The following KRT81 variants were observed in gnomAD, a reference collection of about 807,000 sequenced individuals.
KRT81 encodes keratin, type II cuticular Hb1.
KRT81 carries 35 observed loss-of-function variants against 35.8 expected under a neutral mutation model. That is an observed-to-expected ratio of 0.98 (90% CI 0.75 to 1.30). KRT81 has a LOEUF of 1.30. KRT81 is among the 50% of genes most tolerant of loss of function. The pLI is 0.00. For missense variants in KRT81, 531 were observed against 577.4 expected (o/e 0.92, Z 0.82); for synonymous variants, 249 against 251.2 (o/e 0.99, Z 0.08).
chr12:52,286,959 C>A lies in KRT81; in HGVS notation c.1248-137G>T, dbSNP rs1419697658. The stretch of plus-strand genomic sequence containing the variant: ...GGGAACAGCTTGCCTCAGACAAACT[C>A]ACACACCAGCCCTCCCCACACCGGA... On this transcript the variant is annotated intron_variant, in intron 7 of 8. Transcript: ENST00000327741. The A allele has an allele frequency of 3.2e-6, 5 of 1,545,562 alleles. No individual in the cohort carries two copies. The South Asian group carries it at 5.7e-5, about 18-fold the overall frequency.
rs1439928163 is a variant in KRT81, at chr12:52,291,103, G to C, written c.363C>G (p.Ile121Met). 1.1e-5 allele frequency: 8 copies of C among 721,308 alleles called. No homozygotes were observed. Among genetic ancestry groups the C allele is most frequent in the East Asian group, 5.8e-5 (2 of 34,418 alleles). The allele number at this position is 721,308 out of a possible 1,614,324, so 44.7% of individuals were successfully genotyped here. A position where few individuals can be genotyped will look rare whatever the true frequency, so the allele number is the denominator to read the frequency against. Residue 121 changes from isoleucine (I) to methionine (M), a missense_variant, in exon 1 of 9, where the codon ATC becomes ATG. Around this residue, in one of 5 missense-constraint regions of KRT81, gnomAD observed 194 missense variants for 198.2 expected, o/e 0.98. Coordinates refer to ENST00000327741, the MANE Select transcript of KRT81 (RefSeq NM_002281.4). ...KSLNSRFAAFIDKVRFLEQQN... is the reference protein window; with the variant it reads ...KSLNSRFAAFMDKVRFLEQQN... The stretch of plus-strand genomic sequence containing the variant: ...TGTGATCCAGGACACCCACCTTGTC[G>C]ATGAAGGCCGCGAACCTGCTGTTGA...
At chr12:52,288,818 T>C (rs1320201071) in intron 3 of KRT81, among the ~76,000 whole-genome samples, 1 of 151,976 alleles carries the variant, frequency 6.6e-6, no homozygotes, top group Non-Finnish European at 1.5e-5. Context: ...CTGGTTCTTC[T>C]CCATCCCCCC....
Position 52,287,578 on chromosome 12 carries a change from C to T in KRT81, c.1026+18G>A, listed in dbSNP as rs111635510. On this transcript the variant is annotated intron_variant, in intron 6 of 8. Coordinates refer to ENST00000327741, the MANE Select transcript of KRT81 (RefSeq NM_002281.4). ...TAGGCCCTCGGTCTCTCTGACCTTG[C>T]GCACAGATGCCCCATACCTGGCACT... 105 of 1,613,886 alleles carry T rather than the reference C, an allele frequency of 6.5e-5. No homozygotes were observed. The highest frequency in any genetic ancestry group is 3.6e-4 in the African/African-American group (27 of 74,992).
chr12:52,286,410 C>G lies in KRT81; in HGVS notation c.1363G>C (p.Ala455Pro). The G allele has an allele frequency of 6.4e-7, 1 of 1,554,274 alleles. No individual in the cohort carries two copies. The highest frequency in any genetic ancestry group is 8.7e-7 in the Non-Finnish European group (1 of 1,148,648). The change falls in exon 9 of 9, where the codon GCT becomes CCT. Residue 455 changes from alanine (A) to proline (P), a missense_variant. This residue lies in a region of KRT81 where 150 missense variants were observed against 145.4 expected (regional missense o/e 1.03). Coordinates refer to ENST00000327741, the MANE Select transcript of KRT81 (RefSeq NM_002281.4). ...SRPVTGSVCSAPCNGNVAVST... is the reference protein window; with the variant it reads ...SRPVTGSVCSPPCNGNVAVST... ...ACCGCCACGTTCCCGTTGCACGGAGCGCTGCAGACACTGCCAGTCACTGGC... is the reference window on the plus strand; with the variant it reads ...ACCGCCACGTTCCCGTTGCACGGAGGGCTGCAGACACTGCCAGTCACTGGC...
intron 6 of KRT81, 95 bp from the exon 7 acceptor site, chr12:52,287,417 C>T (rs769217624): frequency 3.5e-5 from 55 of 1,573,328 alleles, no homozygotes; most frequent in African/African-American, 6.8e-5. Context: ...GCTGGGAGCA[C>T]CCCAGAACAG....
Position 52,286,171 on chromosome 12 carries a change from A to G in KRT81, c.*84T>C. The G allele has an allele frequency of 9.2e-7, 1 of 1,089,450 alleles. No individual in the cohort carries two copies. Among genetic ancestry groups the G allele is most frequent in the East Asian group, 2.6e-5 (1 of 38,872 alleles). 67.5% of individuals were successfully genotyped at this position (1,089,450 alleles called of 1,614,324 possible). A position where few individuals can be genotyped will look rare whatever the true frequency, so the allele number is the denominator to read the frequency against. The stretch of plus-strand genomic sequence containing the variant: ...CAAAGTGCAGGAGAAGTAGCTGAGC[A>G]CTTGCTCCAGGCGCCTGGACTGGAT... On this transcript the variant is annotated 3_prime_UTR_variant, in exon 9 of 9. Transcript: ENST00000327741.
At chr12:52,288,605 A>G (rs1235190697) in intron 3 of KRT81, 149 bp from the exon 4 acceptor site, 22 of 995,752 alleles carry the variant, frequency 2.2e-5, no homozygotes, top group South Asian at 6.5e-5. Context: ...CCTTCCTGGG[A>G]TGAGCTGGCA....
chr12:52,286,209 G>A lies in KRT81; in HGVS notation c.*46C>T. 6.7e-7 allele frequency: 1 copy of A among 1,497,262 alleles called. No individual in the cohort carries two copies. Among genetic ancestry groups the A allele is most frequent in the Non-Finnish European group, 9.1e-7 (1 of 1,098,166 alleles). The allele number at this position is 1,497,262 out of a possible 1,614,324, so 92.7% of individuals were successfully genotyped here. ...GCCTGGACTGGATGGGCCAAGCAAG[G>A]CAGGGCAGGAAAGATGCCTGGGGCC... is the stretch of plus-strand genomic sequence containing the variant. On this transcript the variant is annotated 3_prime_UTR_variant, in exon 9 of 9. Transcript: ENST00000327741.
At position 52,291,380 on chromosome 12, in the gene KRT81, G is replaced by A. The variant is rs765794740; in HGVS notation, c.86C>T (p.Ala29Val). 18 of 1,605,592 alleles carry A rather than the reference G, an allele frequency of 1.1e-5. No individual in the cohort carries two copies. Among genetic ancestry groups the A allele is most frequent in the Admixed American group, 8.5e-5 (5 of 58,842 alleles). Residue 29 changes from alanine to valine, a missense_variant, in exon 1 of 9, where the codon GCC becomes GTC. Physicochemically the swap from Ala to Val is moderately conservative, Grantham distance 64. Around this residue, in one of 5 missense-constraint regions of KRT81, gnomAD observed 133 missense variants for 125.9 expected, o/e 1.06. Transcript: ENST00000327741. ...GPRPGRCCIT[A>V]APYRGISCYR... ...GCAGGAGATGCCACGGTAGGGGGCG[G>A]CGGTGATGCAGCAGCGGCCGGGCCG...
At chr12:52,287,870 C>A in intron 5 of KRT81, 114 bp downstream of exon 5, 2 of 1,602,116 alleles carry the variant, frequency 1.2e-6, no homozygotes, top group Non-Finnish European at 1.7e-6. Flanking sequence ...AGATTGGCAG[C>A]CCTCTCTTCT....
intron 1 of KRT81, 39 bp downstream of exon 1, chr12:52,291,058 T>C (rs1592427180): frequency 1.8e-5 from 9 of 512,278 alleles, no homozygotes; most frequent in Non-Finnish European, 2.8e-5. Context: ...GCTGTGTAGG[T>C]GGTGGGGGTT....
rs1937957671 is a variant in KRT81, at chr12:52,286,830, C to A, written c.1248-8G>T. On this transcript the variant is annotated splice_region_variant and splice_polypyrimidine_tract_variant and intron_variant, in intron 7 of 8. Coordinates refer to ENST00000327741, the MANE Select transcript of KRT81 (RefSeq NM_002281.4). ...CCAATGCCTTCACATAGCCTGAGGGCAAAAGAGAAAAAGGCAACATTAGTG... is the reference window on the plus strand; with the variant it reads ...CCAATGCCTTCACATAGCCTGAGGGAAAAAGAGAAAAAGGCAACATTAGTG... 2 of 1,613,682 alleles carry A rather than the reference C, an allele frequency of 1.2e-6. No homozygotes were observed. Among genetic ancestry groups the A allele is most frequent in the African/African-American group, 1.3e-5 (1 of 74,906 alleles).
Position 52,286,130 on chromosome 12 carries a change from A to T in KRT81, c.*125T>A, listed in dbSNP as rs894391102. On this transcript the variant is annotated 3_prime_UTR_variant, in exon 9 of 9. Coordinates refer to ENST00000327741, the MANE Select transcript of KRT81 (RefSeq NM_002281.4). ...TCACACAGAGAAATGTGAGGCCAGG[A>T]GTGGGAGGGGTCTTTCAAAGTGCAG... The T allele has an allele frequency of 6.5e-5, 52 of 801,132 alleles. No individual in the cohort carries two copies. Among genetic ancestry groups the T allele is most frequent in the Non-Finnish European group, 9.9e-5 (47 of 474,046 alleles). The allele number at this position is 801,132 out of a possible 1,614,324, so 49.6% of individuals were successfully genotyped here. A position where few individuals can be genotyped will look rare whatever the true frequency, so the allele number is the denominator to read the frequency against.
chr12:52,287,899 T>A (rs2121239145), intron 5 of KRT81, 85 bp downstream of exon 5: 2 of 1,610,912 alleles, frequency 1.2e-6, no homozygotes, highest in South Asian at 1.1e-5. Context: ...GGGACCAGCA[T>A]CCCCAGAAAA....
At chr12:52,288,622 G>A (rs1301476727) in intron 3 of KRT81, among the ~76,000 whole-genome samples, 166 bp from the exon 4 acceptor site, 1 of 152,030 alleles carries the variant, frequency 6.6e-6, no homozygotes, top group Non-Finnish European at 1.5e-5. Flanking sequence ...GGCATCCTCT[G>A]TCCCTCTGAT....
At position 52,286,080 on chromosome 12, in the gene KRT81, G is replaced by C; in HGVS notation, c.*175C>G. Reference sequence around the variant, plus strand: ...TCTAGGGTGGCCTTTCCCACTGTGGGGTGGCAGAGCCCAGAAGTGGGGGAT... The same window carrying C: ...TCTAGGGTGGCCTTTCCCACTGTGGCGTGGCAGAGCCCAGAAGTGGGGGAT... On this transcript the variant is annotated 3_prime_UTR_variant, in exon 9 of 9. Coordinates refer to ENST00000327741, the MANE Select transcript of KRT81 (RefSeq NM_002281.4). 1 of 653,742 alleles carries C rather than the reference G, an allele frequency of 1.5e-6. No homozygotes were observed. The highest frequency in any genetic ancestry group is 2.7e-6 in the Non-Finnish European group (1 of 373,200). The allele number at this position is 653,742 out of a possible 1,614,324, so 40.5% of individuals were successfully genotyped here. A position where few individuals can be genotyped will look rare whatever the true frequency, so the allele number is the denominator to read the frequency against.
rs147285901 is a variant in KRT81, at chr12:52,288,391, C to T, written c.705G>A (p.Glu235=). Residue 235 remains glutamate (E), a synonymous_variant, in exon 4 of 9, where the codon GAG becomes GAA. Transcript: ENST00000327741. The part of the protein sequence containing the change: ...LEANVEALIQ[E]IDFLRRLYEE... ...CATACAGCCGCCTCAGGAAGTCGAT[C>T]TCCTGGATCAGGGCCTCCACGTTGG... The T allele has an allele frequency of 9.7e-5, 156 of 1,614,060 alleles. No homozygotes were observed. Among genetic ancestry groups the T allele is most frequent in the Non-Finnish European group, 1.3e-4 (152 of 1,180,014 alleles).
chr12:52,286,521 T>C (rs954079925), intron 8 of KRT81, 28 bp from the exon 9 acceptor site: 5 of 1,548,746 alleles, frequency 3.2e-6, no homozygotes, highest in Admixed American at 3.9e-5. Flanking sequence ...TGAGTCAAAA[T>C]TCTGAAGGGC....
At position 52,288,427 on chromosome 12, in the gene KRT81, T is replaced by C. The variant is rs778637855; in HGVS notation, c.669A>G (p.Ser223=). Residue 223 remains serine, a synonymous_variant, in exon 4 of 9, where the codon TCA becomes TCG. Coordinates refer to ENST00000327741, the MANE Select transcript of KRT81 (RefSeq NM_002281.4). The part of the protein sequence containing the change: ...KDVDCAYLRK[S]DLEANVEALI... ...GGGCCTCCACGTTGGCCTCCAGGTCTGACTTGCGGAGGTAGGCGCAGTCCA... is the reference window on the plus strand; with the variant it reads ...GGGCCTCCACGTTGGCCTCCAGGTCCGACTTGCGGAGGTAGGCGCAGTCCA... 6.2e-7 allele frequency: 1 copy of C among 1,614,190 alleles called. No individual in the cohort carries two copies. The highest frequency in any genetic ancestry group is 1.1e-5 in the South Asian group (1 of 91,080).
Sources: allele counts gnomAD v4.1 joint callset (sites outside exome capture counted in the v4.1 genomes callset), GRCh38; gene constraint gnomAD v4.1.1; regional missense constraint gnomAD v4.1.1; transcripts MANE v1.5; gene names NCBI Gene and HGNC (gene_info 2026-07-23, HGNC 2026-07-21).